The following GAS7 variants were observed in gnomAD, a reference collection of about 807,000 sequenced individuals.
GAS7 encodes the protein growth arrest-specific protein 7.
GAS7 carries 28 observed loss-of-function variants against 71.1 expected under a neutral mutation model. That is an observed-to-expected ratio of 0.39 (90% CI 0.29 to 0.54). The LOEUF is 0.54. Among genes scored for constraint, GAS7 ranks in the 20% least tolerant of loss-of-function variants. The pLI, the probability that GAS7 is intolerant of heterozygous loss-of-function variation, is 0.62. For missense variants in GAS7, 436 were observed against 627.8 expected (o/e 0.69, Z 3.27); for synonymous variants, 258 against 245.8 (o/e 1.05, Z -0.46).
At chr17:10,054,373 T>C (rs2073106339) in intron 1 of GAS7, among the ~76,000 whole-genome samples, 2 of 152,118 alleles carry the variant, frequency 1.3e-5, no homozygotes, top group Admixed American at 1.3e-4. Flanking sequence ...CATCAGCATA[T>C]TGTTGCCAAG....
intron 2 of GAS7, among the ~76,000 whole-genome samples, chr17:9,982,461 T>A (rs749893907): frequency 9.9e-5 from 15 of 152,138 alleles, no homozygotes; most frequent in Non-Finnish European, 1.6e-4. Flanking sequence ...TCTCTTCCAA[T>A]GCCCTGCTAC....
intron 2 of GAS7, among the ~76,000 whole-genome samples, chr17:10,017,183 GAGGAA>G (rs1325189321): frequency 6.9e-6 from 1 of 144,320 alleles, no homozygotes; most frequent in Admixed American, 6.9e-5. Flanking sequence ...TAAATAAAGA[GAGGAA>G]GGGCAAATAG....
intron 1 of GAS7, among the ~76,000 whole-genome samples, chr17:10,139,247 A>G (rs967726549): frequency 6.6e-6 from 1 of 152,258 alleles, no homozygotes; most frequent in African/African-American, 2.4e-5. Flanking sequence ...CAATTTTAAA[A>G]CATAACTAAA....
intron 2 of GAS7, among the ~76,000 whole-genome samples, chr17:10,019,318 A>G (rs1204476646): frequency 1.3e-5 from 2 of 152,158 alleles, no homozygotes; most frequent in African/African-American, 4.8e-5. Flanking sequence ...CGTTGTAGTG[A>G]AATTAGGGAA....
chr17:10,141,877 C>T (rs7219805), intron 1 of GAS7, among the ~76,000 whole-genome samples: 89,066 of 152,052 alleles, frequency 0.59, 27,995 homozygotes, highest in East Asian at 0.85. Context: ...CTCTGTCAAG[C>T]TCATGGTGAT....
At chr17:9,998,464 A>G (rs1385454047) in intron 2 of GAS7, among the ~76,000 whole-genome samples, 1 of 151,810 alleles carries the variant, frequency 6.6e-6, no homozygotes, top group African/African-American at 2.4e-5. Flanking sequence ...AAAAGGCAAG[A>G]CTGCGGAGAG....
At chr17:10,087,192 C>T (rs954094822) in intron 1 of GAS7, among the ~76,000 whole-genome samples, 4 of 152,122 alleles carry the variant, frequency 2.6e-5, no homozygotes, top group Non-Finnish European at 4.4e-5. Flanking sequence ...CTGAGCTCGC[C>T]GGGAGAGCTC....
intron 2 of GAS7, among the ~76,000 whole-genome samples, chr17:9,999,283 C>T (rs1446621761): frequency 2.0e-5 from 3 of 152,038 alleles, no homozygotes; most frequent in South Asian, 4.1e-4. Context: ...TTTGGGAGGC[C>T]GAGGCAGGTG....
intron 1 of GAS7, among the ~76,000 whole-genome samples, chr17:10,161,200 T>C (rs1319699220): frequency 6.6e-6 from 1 of 152,162 alleles, no homozygotes; most frequent in African/African-American, 2.4e-5. Context: ...CTTCCTAGCT[T>C]TAACAACCCC....
chr17:9,955,974 T>A (rs8074549), intron 5 of GAS7, among the ~76,000 whole-genome samples: 66,681 of 152,138 alleles, frequency 0.44, 14,814 homozygotes, highest in East Asian at 0.63. Flanking sequence ...CAGAAGCACA[T>A]GGGCTGCCTC....
At chr17:10,142,405 G>T (rs1222637939) in intron 1 of GAS7, among the ~76,000 whole-genome samples, 1 of 152,172 alleles carries the variant, frequency 6.6e-6, no homozygotes. Context: ...GTCTCACTCT[G>T]TTGACCAGGC....
At position 10,026,250 on chromosome 17, in the gene GAS7, C is replaced by T; in HGVS notation, c.184-6353G>A. On this transcript the variant is annotated intron_variant, in intron 1 of 13. Transcript: ENST00000432992. This position sits in a 1 kb window ranked among gnomAD's most constrained non-coding sequence, Gnocchi z 4.5. ...GATCAGACGGTTTTAAGGTCTCCCA[C>T]TCTGCATCCTCTCACACCCCAAACC... is the stretch of plus-strand genomic sequence containing the variant. The T allele has an allele frequency of 3.0e-6, 3 of 985,300 alleles. No homozygotes were observed. Among genetic ancestry groups the T allele is most frequent in the Non-Finnish European group, 3.6e-6 (3 of 829,850 alleles). 61.0% of individuals were successfully genotyped at this position (985,300 alleles called of 1,614,324 possible). A position where few individuals can be genotyped will look rare whatever the true frequency, so the allele number is the denominator to read the frequency against.
chr17:10,158,341 A>ACAAAAAAC (rs1194023280), intron 1 of GAS7, among the ~76,000 whole-genome samples: 2 of 104,752 alleles, frequency 1.9e-5, no homozygotes, highest in Non-Finnish European at 4.3e-5. Context: ...TTTGGTAAAA[A>ACAAAAAAC]AAAAAAAAAA....
At chr17:9,961,429 A>G (rs956893034) in intron 4 of GAS7, among the ~76,000 whole-genome samples, 2 of 152,184 alleles carry the variant, frequency 1.3e-5, no homozygotes, top group East Asian at 1.9e-4. Context: ...AAGGGGAAAG[A>G]GTAGCCTATG....
At chr17:10,128,247 A>G (rs1231936871) in intron 1 of GAS7, among the ~76,000 whole-genome samples, 1 of 152,218 alleles carries the variant, frequency 6.6e-6, no homozygotes, top group Non-Finnish European at 1.5e-5. Flanking sequence ...CTTCGAGAGG[A>G]AACAATTTCC....
At chr17:9,917,379 G>A (rs1468571290) in intron 13 of GAS7, 38 bp from the exon 14 acceptor site, 3 of 1,388,528 alleles carry the variant, frequency 2.2e-6, no homozygotes, top group South Asian at 2.3e-5. Context: ...TGTTAGAGAC[G>A]GCGGCCAAGC....
chr17:10,103,176 A>G lies in GAS7; in HGVS notation c.184-83279T>C, dbSNP rs150068537. Among the ~76,000 whole-genome samples the G allele has an allele frequency of 2.2e-4, 33 of 151,956 alleles. No homozygotes were observed. The East Asian group carries it at 4.5e-3, about 21-fold the overall frequency. On this transcript the variant is annotated intron_variant, in intron 1 of 13. Coordinates refer to ENST00000432992, the MANE Select transcript of GAS7 (RefSeq NM_201433.2). The surrounding 1 kb of genome is among the most constrained non-coding windows in gnomAD (Gnocchi z 5.5). ...GAGACCAGCCTGGGCAATATGGCAA[A>G]ACCCCTCCTCTAAAAAAATTAGCCA...
intron 7 of GAS7, 69 bp downstream of exon 7, chr17:9,943,052 C>T (rs569144429): frequency 9.2e-6 from 9 of 975,662 alleles, no homozygotes; most frequent in African/African-American, 4.8e-5. Flanking sequence ...GCTGTCGCCC[C>T]GCCCCGGCCA....
Position 9,925,590 on chromosome 17 carries a change from C to T in GAS7, c.1024G>A (p.Ala342Thr), listed in dbSNP as rs373913844. The T allele has an allele frequency of 2.5e-6, 4 of 1,614,054 alleles. No individual in the cohort carries two copies. Among genetic ancestry groups the T allele is most frequent in the Non-Finnish European group, 3.4e-6 (4 of 1,180,020 alleles). ...RYASVEKARK[A>T]LTERQRDLEM... ...AGGTCTCTCTGCCGCTCTGTGAGGG[C>T]TTTCCGGGCCTGGGGTCCAAGGACA... Residue 342 changes from alanine to threonine, a missense_variant, in exon 11 of 14, where the codon GCC becomes ACC. By Grantham distance (58) the Ala-to-Thr change is moderately conservative. Transcript: ENST00000432992.
Sources: allele counts gnomAD v4.1 joint callset (sites outside exome capture counted in the v4.1 genomes callset), GRCh38; gene constraint gnomAD v4.1.1; non-coding constraint Gnocchi (gnomAD v3.1); transcripts MANE v1.5; gene names NCBI Gene and HGNC (gene_info 2026-07-23, HGNC 2026-07-21).